The following GRID2 variants were observed in gnomAD, a reference collection of about 807,000 sequenced individuals.
GRID2 encodes the protein glutamate receptor ionotropic, delta-2.
A neutral mutation model predicts 114.8 loss-of-function variants in GRID2; 33 were observed. The ratio of observed to expected loss-of-function variants is 0.29; its 90% CI spans 0.22 to 0.38. The LOEUF is 0.38. Among genes scored for constraint, GRID2 ranks in the 10% least tolerant of loss-of-function variants. The probability of loss-of-function intolerance (pLI) is 1.00; values close to 1 mark genes in which losing one functional copy is unlikely to be tolerated. For missense variants in GRID2, 1,184 were observed against 1,257.7 expected (o/e 0.94, Z 0.89); for synonymous variants, 505 against 449.9 (o/e 1.12, Z -1.55).
chr4:92,629,730 G>A, intron 2 of GRID2, among the ~76,000 whole-genome samples: 1 of 150,164 alleles, frequency 6.7e-6, no homozygotes, highest in Admixed American at 6.6e-5. Context: ...ATAGCTGAAT[G>A]TTAGATCACT....
intron 5 of GRID2, among the ~76,000 whole-genome samples, chr4:93,212,835 C>T (rs960051631): frequency 3.6e-4 from 54 of 151,576 alleles, no homozygotes; most frequent in African/African-American, 1.2e-3. Context: ...TACAATGGCG[C>T]GATCTTGGCT....
intron 4 of GRID2, among the ~76,000 whole-genome samples, chr4:93,121,844 A>G (rs1733808885): frequency 6.6e-6 from 1 of 152,164 alleles, no homozygotes; most frequent in East Asian, 1.9e-4. Flanking sequence ...ACTGCTGGAC[A>G]TATATTAGAT....
rs1436892677 is a variant in GRID2, at chr4:93,490,627, T to G, written c.1859-12T>G. The G allele has an allele frequency of 1.6e-5, 26 of 1,602,954 alleles. No homozygotes were observed. The highest frequency in any genetic ancestry group is 2.1e-5 in the Non-Finnish European group (25 of 1,171,904). ...GTTGATGTTCTTTTTATCTCTTTGCTTCTTTCTACAGGCGGGGAAGTCCCG... is the reference window on the plus strand; with the variant it reads ...GTTGATGTTCTTTTTATCTCTTTGCGTCTTTCTACAGGCGGGGAAGTCCCG... On this transcript the variant is annotated splice_polypyrimidine_tract_variant and intron_variant, in intron 11 of 15. Coordinates refer to ENST00000282020, the MANE Select transcript of GRID2 (RefSeq NM_001510.4).
At chr4:93,081,806 A>C (rs1221174039) in intron 2 of GRID2, among the ~76,000 whole-genome samples, 1 of 152,328 alleles carries the variant, frequency 6.6e-6, no homozygotes, top group Admixed American at 6.5e-5. Context: ...TATCAAATGA[A>C]CTGACTATGC....
chr4:93,347,707 TTTG>T (rs1418418149), intron 8 of GRID2, among the ~76,000 whole-genome samples: 1 of 152,176 alleles, frequency 6.6e-6, no homozygotes, highest in Non-Finnish European at 1.5e-5. Context: ...GTAATTACTA[TTTG>T]TTATCTCATT....
At chr4:93,283,910 A>T (rs1249080622) in intron 8 of GRID2, among the ~76,000 whole-genome samples, 1 of 152,088 alleles carries the variant, frequency 6.6e-6, no homozygotes, top group Non-Finnish European at 1.5e-5. Context: ...ACACTGGAGG[A>T]CCTAGCTCAA....
chr4:92,426,511 C>T (rs1732163609), intron 1 of GRID2, among the ~76,000 whole-genome samples: 1 of 152,126 alleles, frequency 6.6e-6, no homozygotes, highest in South Asian at 2.1e-4. Flanking sequence ...CAAGGAATTA[C>T]AAACATAGTG....
chr4:92,844,041 A>T (rs1034592069), intron 2 of GRID2, among the ~76,000 whole-genome samples: 1 of 151,940 alleles, frequency 6.6e-6, no homozygotes. Flanking sequence ...CTGATTTAAT[A>T]AAAAAACTTT....
chr4:92,343,576 T>TTA (rs943910632), intron 1 of GRID2, among the ~76,000 whole-genome samples: 5 of 150,564 alleles, frequency 3.3e-5, no homozygotes, highest in African/African-American at 1.2e-4. Flanking sequence ...TGTGTTTATA[T>TTA]TATATATATA....
At chr4:92,831,401 A>C (rs1338167110) in intron 2 of GRID2, among the ~76,000 whole-genome samples, 1 of 152,054 alleles carries the variant, frequency 6.6e-6, no homozygotes, top group African/African-American at 2.4e-5. Context: ...CTCAACAAAA[A>C]CGTGAGCTAA....
intron 13 of GRID2, among the ~76,000 whole-genome samples, chr4:93,538,798 A>G (rs1384366843): frequency 6.6e-6 from 1 of 151,832 alleles, no homozygotes; most frequent in Non-Finnish European, 1.5e-5. Context: ...GTCAAGATAG[A>G]GAAACTGTCA....
At chr4:92,932,070 A>C (rs1361990545) in intron 2 of GRID2, among the ~76,000 whole-genome samples, 3 of 151,324 alleles carry the variant, frequency 2.0e-5, no homozygotes, top group African/African-American at 7.3e-5. Context: ...AGCATCAAGC[A>C]TGAAAAAATT....
intron 4 of GRID2, among the ~76,000 whole-genome samples, chr4:93,169,176 AC>A (rs1315136186): frequency 6.6e-6 from 1 of 150,534 alleles, no homozygotes; most frequent in African/African-American, 2.4e-5. Flanking sequence ...ACACACACAC[AC>A]ACACACAAAC....
intron 1 of GRID2, among the ~76,000 whole-genome samples, chr4:93,792,695 T>C (rs1734717690): frequency 6.6e-6 from 1 of 152,112 alleles, no homozygotes; most frequent in Admixed American, 6.6e-5. Context: ...CAAATAGACA[T>C]ATGGCAGGTG....
At chr4:93,591,538 C>T (rs537250594) in intron 13 of GRID2, among the ~76,000 whole-genome samples, 7 of 152,168 alleles carry the variant, frequency 4.6e-5, no homozygotes, top group East Asian at 1.9e-4. Flanking sequence ...CTGTCTCTGC[C>T]GGGCTTTGGT....
chr4:92,709,110 C>T (rs1175758750), intron 2 of GRID2, among the ~76,000 whole-genome samples: 1 of 152,040 alleles, frequency 6.6e-6, no homozygotes, highest in Non-Finnish European at 1.5e-5. Flanking sequence ...TCCACTTTTA[C>T]GTTTCTTATA....
chr4:92,775,409 G>A (rs1017353120), intron 2 of GRID2, among the ~76,000 whole-genome samples: 1 of 152,152 alleles, frequency 6.6e-6, no homozygotes, highest in Admixed American at 6.6e-5. Flanking sequence ...AGTAACTTGA[G>A]TCTCAGATCA....
intron 8 of GRID2, chr4:93,302,703 G>C (rs1304348303): frequency 2.4e-6 from 1 of 413,430 alleles, no homozygotes; most frequent in African/African-American, 2.1e-5. Flanking sequence ...ATTGAAAGTG[G>C]CTATTATGCC....
chr4:93,003,979 T>C (rs913399110), intron 2 of GRID2, among the ~76,000 whole-genome samples: 2 of 151,964 alleles, frequency 1.3e-5, no homozygotes, highest in Non-Finnish European at 2.9e-5. Context: ...GGTGGATTTG[T>C]GTGTATTTAC....
Sources: gnomAD v4.1 joint callset for allele counts (sites outside exome capture counted in the v4.1 genomes callset) on GRCh38, gnomAD v4.1.1 for gene constraint, MANE v1.5 for transcripts, NCBI Gene and HGNC (gene_info 2026-07-23, HGNC 2026-07-21) for gene names.